Variants in DCAF8L2 observed in about 807,000 individuals in gnomAD.
DCAF8L2 encodes the protein DDB1 and CUL4 associated factor 8 like 2, also known as DDB1- and CUL4-associated factor 8-like protein 2.
For synonymous variants in DCAF8L2, 200 were observed against 190.9 expected, an observed-to-expected ratio of 1.05 and a Z score of -0.39; for missense variants, 430 against 490.7, an observed-to-expected ratio of 0.88 and a Z score of 1.17.
intron 4 of DCAF8L2, 57 bp from the exon 5 acceptor site, chrX:27,746,781 A>T: frequency 1.5e-6 from 1 of 663,591 alleles, no homozygotes. Flanking sequence ...TTTGATTGCC[A>T]CGCGCTTACT....
intron 1 of DCAF8L2, among the ~76,000 whole-genome samples, chrX:27,631,380 TG>T (rs1928284131): frequency 9.0e-6 from 1 of 111,639 alleles, no homozygotes; most frequent in African/African-American, 3.3e-5. Context: ...AACATAGTAC[TG>T]GAAGTCCCAA....
intron 3 of DCAF8L2, among the ~76,000 whole-genome samples, chrX:27,687,248 T>C (rs1039987182): frequency 1.8e-5 from 2 of 112,429 alleles, no homozygotes; most frequent in African/African-American, 6.5e-5. Context: ...GGAAAATGAC[T>C]GTATAAATGA....
At chrX:27,666,990 G>C in intron 2 of DCAF8L2, among the ~76,000 whole-genome samples, 1 of 111,432 alleles carries the variant, frequency 9.0e-6, no homozygotes, top group Non-Finnish European at 1.9e-5. Flanking sequence ...AGTATATCTA[G>C]GTAGGGACCA....
chrX:27,543,977 G>T, the DCAF8L2 span, among the ~76,000 whole-genome samples: 10 of 112,304 alleles, frequency 8.9e-5, no homozygotes, highest in African/African-American at 2.6e-4. Flanking sequence ...TTGTGAGAGA[G>T]ATTTGTATCT....
intron 1 of DCAF8L2, among the ~76,000 whole-genome samples, chrX:27,623,537 A>C (rs1246643296): frequency 9.0e-6 from 1 of 111,342 alleles, no homozygotes; most frequent in African/African-American, 3.3e-5. Context: ...TATAACAACA[A>C]GGTTTTAAAT....
chrX:27,698,283 T>G (rs1235221977), intron 3 of DCAF8L2, among the ~76,000 whole-genome samples: 1 of 111,745 alleles, frequency 8.9e-6, no homozygotes, highest in South Asian at 3.8e-4. Context: ...ATGCAACAAC[T>G]GTTGCATCCC....
the DCAF8L2 span, among the ~76,000 whole-genome samples, chrX:27,514,681 A>C: frequency 2.8e-4 from 23 of 83,489 alleles, no homozygotes; most frequent in African/African-American, 8.0e-4. Flanking sequence ...AAAAAAAAAA[A>C]AAAAAAAAAA....
At chrX:27,477,052 A>G in the DCAF8L2 span, among the ~76,000 whole-genome samples, 3 of 111,888 alleles carry the variant, frequency 2.7e-5, no homozygotes, top group African/African-American at 9.8e-5. Context: ...TTACTTTTCA[A>G]TTCCTAGAAA....
At chrX:27,639,025 C>G (rs1479463492) in intron 2 of DCAF8L2, among the ~76,000 whole-genome samples, 1 of 112,022 alleles carries the variant, frequency 8.9e-6, no homozygotes, top group Non-Finnish European at 1.9e-5. Flanking sequence ...TACTCTCATA[C>G]TTCCCTCTCC....
chrX:27,483,935 A>C, the DCAF8L2 span, among the ~76,000 whole-genome samples: 1 of 111,568 alleles, frequency 9.0e-6, no homozygotes, highest in Non-Finnish European at 1.9e-5. Context: ...ATTACTGAGA[A>C]TATGTTAGAC....
chrX:27,607,396 TTCCTGTA>T (rs1366450098), intron 1 of DCAF8L2, among the ~76,000 whole-genome samples: 6 of 111,407 alleles, frequency 5.4e-5, no homozygotes, highest in African/African-American at 2.0e-4. Flanking sequence ...CTTGAATCAT[TTCCTGTA>T]TAGGATATCC....
intron 1 of DCAF8L2, among the ~76,000 whole-genome samples, chrX:27,607,091 A>G (rs1266978341): frequency 1.8e-5 from 2 of 111,933 alleles, no homozygotes; most frequent in African/African-American, 6.5e-5. Context: ...GGAGGCTAGA[A>G]ATATAGTAAA....
At position 27,747,205 on chromosome X, in the gene DCAF8L2, C is replaced by T. The variant is rs765751981; in HGVS notation, c.310C>T (p.Pro104Ser). Residue 104 changes from proline to serine, a missense_variant, in exon 5 of 5, where the codon CCT becomes TCT. Transcript: ENST00000451261. The stretch of plus-strand genomic sequence containing the variant: ...GAGTGGTGAAAGTTTATTCCATTAC[C>T]CTTTAGTGGGAGAGGAGGAGACAGA... ...LMSGESLFHY[P>S]LVGEEETERE... 1 of 1,161,145 alleles carries T rather than the reference C, an allele frequency of 8.6e-7. No individual in the cohort carries two copies. Among genetic ancestry groups the T allele is most frequent in the Non-Finnish European group, 1.1e-6 (1 of 870,046 alleles).
At chrX:27,611,667 C>T (rs1927186945) in intron 1 of DCAF8L2, among the ~76,000 whole-genome samples, 1 of 108,183 alleles carries the variant, frequency 9.2e-6, no homozygotes, top group Non-Finnish European at 1.9e-5. Flanking sequence ...TTGTTCAATT[C>T]TCACCTGTGA....
At chrX:27,513,750 A>G in the DCAF8L2 span, among the ~76,000 whole-genome samples, 1 of 111,413 alleles carries the variant, frequency 9.0e-6, no homozygotes, top group Non-Finnish European at 1.9e-5. Flanking sequence ...ACATTTTTCA[A>G]AATAATACAT....
chrX:27,621,434 G>A (rs73530622), intron 1 of DCAF8L2, among the ~76,000 whole-genome samples: 8,866 of 110,422 alleles, frequency 0.08, 692 homozygotes, highest in African/African-American at 0.24. Context: ...TAATAAGCAA[G>A]CAAAATCCTG....
At chrX:27,553,617 C>G in the DCAF8L2 span, among the ~76,000 whole-genome samples, 1 of 110,985 alleles carries the variant, frequency 9.0e-6, no homozygotes, top group Non-Finnish European at 1.9e-5. Context: ...TTTTCCATCC[C>G]TTCACATAAA....
chrX:27,625,651 C>T (rs1368217629), intron 1 of DCAF8L2, among the ~76,000 whole-genome samples: 4 of 111,764 alleles, frequency 3.6e-5, no homozygotes, highest in East Asian at 2.8e-4. Context: ...AAATGTGGTA[C>T]GTATACACCG....
intron 1 of DCAF8L2, among the ~76,000 whole-genome samples, chrX:27,622,373 C>G (rs1372938338): frequency 9.4e-6 from 1 of 106,455 alleles, no homozygotes; most frequent in East Asian, 2.9e-4. Context: ...TGCAGTGAGC[C>G]GAGATCGCGC....
Sources: allele counts gnomAD v4.1 joint callset (sites outside exome capture counted in the v4.1 genomes callset), GRCh38; gene constraint gnomAD v4.1.1; transcripts MANE v1.5; gene names NCBI Gene and HGNC (gene_info 2026-07-23, HGNC 2026-07-21).